Variants in HOPX observed in about 807,000 individuals in gnomAD.
The protein encoded by HOPX is homeodomain-only protein.
HOPX carries 5 observed loss-of-function variants against 11.8 expected under a neutral mutation model. The ratio of observed to expected loss-of-function variants is 0.43; its 90% CI spans 0.22 to 0.89. The LOEUF (loss-of-function observed/expected upper bound fraction) is 0.89, where lower values mean the gene tolerates loss of function less well. Ranked by LOEUF, HOPX falls within the 40% of genes least tolerant of loss-of-function variation. The probability of loss-of-function intolerance (pLI) is 0.28; values close to 1 mark genes in which losing one functional copy is unlikely to be tolerated. For missense variants in HOPX, 119 were observed against 120.0 expected (o/e 0.99, Z 0.04); for synonymous variants, 49 against 49.7 (o/e 0.99, Z 0.06).
rs531817614 is a variant in HOPX at position 56,673,818 on chromosome 4, C to A, written c.-84+7437G>T. Among the ~76,000 whole-genome samples the A allele has an allele frequency of 8.1e-4, 124 of 152,216 alleles. 2 individuals are homozygous for A. Among genetic ancestry groups the A allele is most frequent in the Non-Finnish European group, 1.5e-3 (100 of 68,018 alleles). ...CTCCCGGGTTCAAGCGATTTTCCTG[C>A]CTCAGCCTCCTGAGTAGCTGGGATT... On this transcript the variant is annotated intron_variant, in intron 1 of 3. Coordinates refer to ENST00000420433, the MANE Select transcript of HOPX (RefSeq NM_032495.6).
intron 1 of HOPX, chr4:56,678,849 CT>C (rs1433269096): frequency 3.7e-4 from 57 of 152,196 alleles, no homozygotes; most frequent in African/African-American, 1.3e-3. Flanking sequence ...GTCTATGATC[CT>C]TACTGTCTGG....
At chr4:56,650,588 G>C (rs566051170) in intron 3 of HOPX, 1 of 1,343,524 alleles carries the variant, frequency 7.4e-7, no homozygotes, top group African/African-American at 1.5e-5. Flanking sequence ...TGCTAAGCAG[G>C]CTGAATAGCA....
intron 1 of HOPX, among the ~76,000 whole-genome samples, chr4:56,672,164 A>G (rs996821986): frequency 1.3e-5 from 2 of 152,236 alleles, no homozygotes; most frequent in African/African-American, 4.8e-5. Context: ...TTCTTAGAAC[A>G]TTTCATTTGC....
intron 1 of HOPX, chr4:56,679,366 A>G (rs554255188): frequency 6.6e-6 from 1 of 152,242 alleles, no homozygotes; most frequent in Non-Finnish European, 1.5e-5. Context: ...TCACAGTCAC[A>G]ATAATGAACA....
intron 2 of HOPX, among the ~76,000 whole-genome samples, chr4:56,657,239 T>G (rs1206070539): frequency 6.6e-6 from 1 of 152,196 alleles, no homozygotes; most frequent in Non-Finnish European, 1.5e-5. Flanking sequence ...CTTCAAGATA[T>G]CCTTGGCTGT....
intron 1 of HOPX, among the ~76,000 whole-genome samples, chr4:56,671,778 C>T (rs1236015860): frequency 1.3e-5 from 2 of 152,076 alleles, no homozygotes; most frequent in Admixed American, 6.5e-5. Flanking sequence ...GAGCATCAGC[C>T]GTGATACTGC....
chr4:56,656,065 C>A (rs145663437), intron 2 of HOPX, 53 bp from the exon 3 acceptor site: 1 of 1,455,022 alleles, frequency 6.9e-7, no homozygotes, highest in African/African-American at 1.5e-5. Context: ...GCGGGCGGGA[C>A]GCAGCGAAGG....
chr4:56,676,769 G>A (rs1335674289), intron 1 of HOPX, among the ~76,000 whole-genome samples: 1 of 151,592 alleles, frequency 6.6e-6, no homozygotes, highest in Non-Finnish European at 1.5e-5. Flanking sequence ...TGGCTGCAGG[G>A]CTGCTCTGGG....
rs1717866693 is a variant in HOPX, at chr4:56,657,904, T to C, written c.-83-5A>G. 1.3e-6 allele frequency: 2 copies of C among 1,549,794 alleles called. No homozygotes were observed. The highest frequency in any genetic ancestry group is 2.4e-5 in the South Asian group (2 of 83,966). On this transcript the variant is annotated splice_polypyrimidine_tract_variant and splice_region_variant and intron_variant, in intron 1 of 3. Transcript: ENST00000420433. ...GTGGGGCAGTCTGTCATTAGTCTGG[T>C]AGGAAAAATCAGGAGGGCAGTAGTC...
intron 1 of HOPX, among the ~76,000 whole-genome samples, chr4:56,660,160 A>G (rs1201075910): frequency 6.6e-6 from 1 of 152,244 alleles, no homozygotes; most frequent in Non-Finnish European, 1.5e-5. Flanking sequence ...CAAAAGTCAC[A>G]ATGGAAAAGA....
At chr4:56,659,801 C>T (rs1452495131) in intron 1 of HOPX, among the ~76,000 whole-genome samples, 1 of 152,174 alleles carries the variant, frequency 6.6e-6, no homozygotes, top group Non-Finnish European at 1.5e-5. Flanking sequence ...CGTATACCTG[C>T]TCTAATGCTG....
At chr4:56,650,829 A>C (rs1450991803) in intron 3 of HOPX, 1 of 1,525,264 alleles carries the variant, frequency 6.6e-7, no homozygotes, top group African/African-American at 1.4e-5. Context: ...GAGAAGAGAG[A>C]ACTCATGTAA....
intron 1 of HOPX, 140 bp from the exon 2 acceptor site, chr4:56,658,039 G>A: frequency 1.6e-6 from 1 of 615,038 alleles, no homozygotes; most frequent in African/African-American, 1.8e-5. Flanking sequence ...TGCTTGCTTC[G>A]CTTGAAAGAA....
Position 56,681,253 on chromosome 4 carries a change from AC to A in HOPX, c.-84+1del. On this transcript the variant is annotated splice_donor_variant, in intron 1 of 3. Transcript: ENST00000420433. LOFTEE classifies it low-confidence loss of function (5UTR_SPLICE). ...AAAGGCAGACCTTTGAAAGGTACTTACGTGGAAGAGGCAAAGGCAAGCGCAA... is the reference window on the plus strand; with the variant it reads ...AAAGGCAGACCTTTGAAAGGTACTTAGTGGAAGAGGCAAAGGCAAGCGCAA... 2 of 985,396 alleles carry A rather than the reference AC, an allele frequency of 2.0e-6. No homozygotes were observed. Among genetic ancestry groups the A allele is most frequent in the Non-Finnish European group, 2.4e-6 (2 of 829,922 alleles). 61.0% of individuals were successfully genotyped at this position (985,396 alleles called of 1,614,324 possible). A position where few individuals can be genotyped will look rare whatever the true frequency, so the allele number is the denominator to read the frequency against.
chr4:56,656,707 T>C (rs1717771401), intron 2 of HOPX, among the ~76,000 whole-genome samples: 1 of 152,200 alleles, frequency 6.6e-6, no homozygotes, highest in African/African-American at 2.4e-5. Flanking sequence ...AGGCAGGGGA[T>C]TGAGACACGG....
chr4:56,650,742 T>C (rs1455117055), intron 3 of HOPX: 3 of 1,551,514 alleles, frequency 1.9e-6, no homozygotes, highest in South Asian at 2.4e-5. Context: ...CAGACTATCA[T>C]GGGGGTAGCC....
intron 1 of HOPX, among the ~76,000 whole-genome samples, chr4:56,674,271 C>G (rs1298427641): frequency 6.6e-6 from 1 of 151,636 alleles, no homozygotes; most frequent in African/African-American, 2.4e-5. Flanking sequence ...ATATTAGCCA[C>G]TGAATTAAAG....
At chr4:56,651,782 A>G (rs112168632) in intron 3 of HOPX, among the ~76,000 whole-genome samples, 10 of 152,252 alleles carry the variant, frequency 6.6e-5, no homozygotes, top group African/African-American at 1.4e-4. Flanking sequence ...AAGAGGAGAT[A>G]AAAATACTTG....
At chr4:56,677,619 TA>T (rs1267104148) in intron 1 of HOPX, among the ~76,000 whole-genome samples, 2 of 150,526 alleles carry the variant, frequency 1.3e-5, no homozygotes, top group Non-Finnish European at 2.9e-5. Context: ...GAAGGGGAGG[TA>T]AAAACCAATT....
Sources: gnomAD v4.1 joint callset for allele counts (sites outside exome capture counted in the v4.1 genomes callset) on GRCh38, gnomAD v4.1.1 for gene constraint, MANE v1.5 for transcripts, NCBI Gene and HGNC (gene_info 2026-07-23, HGNC 2026-07-21) for gene names.